FHIP2A: variants seen among roughly 807,000 people sequenced by gnomAD.
FHIP2A encodes family with sequence similarity 160 member B1.
In FHIP2A, 46 loss-of-function variants were observed where a neutral mutation model predicts 93.5. That is an observed-to-expected ratio of 0.49 (90% confidence interval 0.39 to 0.63). The LOEUF is 0.63. Ranked by LOEUF, FHIP2A falls within the 20% of genes least tolerant of loss-of-function variation. The pLI is 0.00. For synonymous variants in FHIP2A, 332 were observed against 326.5 expected (o/e 1.02, Z -0.18); for missense variants, 769 against 909.7 (o/e 0.85, Z 1.99).
chr10:114,836,417 A>G (rs1007246850), intron 5 of FHIP2A, among the ~76,000 whole-genome samples, 171 bp downstream of exon 5: 3 of 152,236 alleles, frequency 2.0e-5, no homozygotes, highest in Non-Finnish European at 4.4e-5. Context: ...CTGGGAGAAA[A>G]GAATTTCAAA....
Position 114,863,149 on chromosome 10 carries a change from T to A in FHIP2A, c.*1609T>A. 1 of 979,068 alleles carries A rather than the reference T, an allele frequency of 1.0e-6. No individual in the cohort carries two copies. Among genetic ancestry groups the A allele is most frequent in the Non-Finnish European group, 1.2e-6 (1 of 824,094 alleles). 60.6% of individuals were successfully genotyped at this position (979,068 alleles called of 1,614,324 possible). A position where few individuals can be genotyped will look rare whatever the true frequency, so the allele number is the denominator to read the frequency against. The stretch of plus-strand genomic sequence containing the variant: ...TCTTTGTTAGCTTATTCTAAGAAAT[T>A]TATTAAGTAAAACAAAGAAAAAACA... On this transcript the variant is annotated 3_prime_UTR_variant, in exon 17 of 17. Coordinates refer to ENST00000369248, the MANE Select transcript of FHIP2A (RefSeq NM_020940.4).
At chr10:114,845,023 G>A (rs935182527) in intron 7 of FHIP2A, among the ~76,000 whole-genome samples, 3 of 148,184 alleles carry the variant, frequency 2.0e-5, no homozygotes, top group Admixed American at 6.8e-5. Flanking sequence ...GGCTGGTCTC[G>A]AACTCCTGAC....
At chr10:114,847,348 G>GCAGAGATCGTGC in intron 12 of FHIP2A, 115 bp downstream of exon 12, 1 of 894,488 alleles carries the variant, frequency 1.1e-6, no homozygotes, top group Non-Finnish European at 1.6e-6. Context: ...GAGTGCAGTG[G>GCAGAGATCGTGC]CACGATCTCT....
intron 5 of FHIP2A, among the ~76,000 whole-genome samples, chr10:114,838,427 T>C (rs1345176452): frequency 1.3e-5 from 2 of 152,208 alleles, no homozygotes; most frequent in Non-Finnish European, 1.5e-5. Flanking sequence ...TGTATCATCT[T>C]TTGCAAATTT....
intron 16 of FHIP2A, among the ~76,000 whole-genome samples, chr10:114,877,876 T>C (rs1209862017): frequency 8.8e-6 from 1 of 113,156 alleles, no homozygotes; most frequent in African/African-American, 3.3e-5. Flanking sequence ...CGTGTGTGAA[T>C]TATTTTTATC....
chr10:114,868,704 G>T (rs2083843033), downstream of FHIP2A, among the ~76,000 whole-genome samples: 1 of 152,096 alleles, frequency 6.6e-6, no homozygotes, highest in Non-Finnish European at 1.5e-5. Context: ...TTATATCAGA[G>T]GGGAGAGTAA....
chr10:114,847,085 C>T lies in FHIP2A; in HGVS notation c.1569-5C>T, dbSNP rs916193358. On this transcript the variant is annotated splice_polypyrimidine_tract_variant and splice_region_variant and intron_variant, in intron 11 of 16. Transcript: ENST00000369248. ...GCTTTTTATGTGTCATTAAATTTAACTTAGAGATCTGGAAGAAGATCCATT... is the reference window on the plus strand; with the variant it reads ...GCTTTTTATGTGTCATTAAATTTAATTTAGAGATCTGGAAGAAGATCCATT... 4 of 1,597,838 alleles carry T rather than the reference C, an allele frequency of 2.5e-6. No homozygotes were observed. The highest frequency in any genetic ancestry group is 2.7e-5 in the African/African-American group (2 of 74,040).
downstream of FHIP2A, among the ~76,000 whole-genome samples, chr10:114,867,382 G>A (rs1408172938): frequency 6.6e-6 from 1 of 152,116 alleles, no homozygotes; most frequent in Non-Finnish European, 1.5e-5. Flanking sequence ...CTGATGAATA[G>A]CAATTAGCTT....
intron 16 of FHIP2A, among the ~76,000 whole-genome samples, chr10:114,881,130 C>G (rs984665719): frequency 2.6e-5 from 4 of 152,182 alleles, no homozygotes; most frequent in Non-Finnish European, 5.9e-5. Flanking sequence ...TGTAAACATG[C>G]CTGCAAGTTC....
intron 13 of FHIP2A, among the ~76,000 whole-genome samples, chr10:114,851,187 TAC>T (rs1446501626): frequency 6.6e-6 from 1 of 152,214 alleles, no homozygotes; most frequent in African/African-American, 2.4e-5. Context: ...GTGCTGGGAT[TAC>T]AGTTATGAGC....
intron 1 of FHIP2A, among the ~76,000 whole-genome samples, chr10:114,827,700 G>A (rs1258387929): frequency 1.3e-5 from 2 of 151,820 alleles, no homozygotes; most frequent in Non-Finnish European, 2.9e-5. Flanking sequence ...GGGAGGCTGA[G>A]GCAGGAGAAT....
chr10:114,833,138 A>C (rs145920297), intron 2 of FHIP2A, 95 bp from the exon 3 acceptor site: 2 of 930,032 alleles, frequency 2.2e-6, no homozygotes, highest in African/African-American at 3.4e-5. Context: ...GATTTTTCTC[A>C]GTTTGAATAG....
At chr10:114,895,615 A>G (rs2083997383) in intron 16 of FHIP2A, among the ~76,000 whole-genome samples, 1 of 152,182 alleles carries the variant, frequency 6.6e-6, no homozygotes, top group Admixed American at 6.5e-5. Context: ...TCCTGTCAAG[A>G]GGGGACCAGT....
chr10:114,848,163 A>C (rs2083713242), intron 12 of FHIP2A, among the ~76,000 whole-genome samples: 1 of 151,942 alleles, frequency 6.6e-6, no homozygotes, highest in Non-Finnish European at 1.5e-5. Flanking sequence ...CTTCCCTTGC[A>C]GTGTTGTCAC....
chr10:114,890,508 A>T (rs1306009879), intron 16 of FHIP2A, among the ~76,000 whole-genome samples: 3 of 146,502 alleles, frequency 2.0e-5, no homozygotes, highest in African/African-American at 7.7e-5. Flanking sequence ...CATATATAGT[A>T]TATAAAATAT....
At position 114,878,177 on chromosome 10, in the gene FHIP2A, A is replaced by G. The variant is rs2083898537; in HGVS notation, c.2192+16843A>G. The stretch of plus-strand genomic sequence containing the variant: ...GTCTTATCCTTTTTACCTTAACATT[A>G]TAAGATGACCATTTTCTTAGGGCTT... On this transcript the variant is annotated intron_variant, in intron 16 of 16. Coordinates refer to the FHIP2A transcript ENST00000369250. Among the ~76,000 whole-genome samples, 4 of 152,180 alleles carry G rather than the reference A, an allele frequency of 2.6e-5. No homozygotes were observed. The South Asian group carries it at 8.3e-4, about 32-fold the overall frequency.
At chr10:114,829,820 A>C (rs751060193) in intron 1 of FHIP2A, among the ~76,000 whole-genome samples, 1 of 152,188 alleles carries the variant, frequency 6.6e-6, no homozygotes, top group South Asian at 2.1e-4. Flanking sequence ...AGTGTATGCA[A>C]ATCTTTTTCT....
At position 114,857,305 on chromosome 10, in the gene FHIP2A, TTTC is replaced by T. The variant is rs961014522; in HGVS notation, c.1947+1974_1947+1976del. On this transcript the variant is annotated intron_variant, in intron 14 of 16. Transcript: ENST00000369248. ...TTTCTTTTTTTTCTTTCTCTCCCTA[TTTC>T]TTCTTCTTTTTTTTTTTTCTGAGAC... 1.8e-4 allele frequency among the ~76,000 whole-genome samples: 26 copies of T among 145,128 alleles called. 1 individual carries two copies. Among genetic ancestry groups the T allele is most frequent in the African/African-American group, 5.5e-4 (22 of 40,064 alleles).
In FHIP2A at chr10:114,860,871, C is replaced by A. The variant is rs762027536; in HGVS notation, c.2070C>A (p.Leu690=). 5 of 1,613,492 alleles carry A rather than the reference C, an allele frequency of 3.1e-6. No homozygotes were observed. The highest frequency in any genetic ancestry group is 4.2e-6 in the Non-Finnish European group (5 of 1,179,652). Reference sequence around the variant, plus strand: ...ACCTCGCTCCTGGCTGTAGATCTCTCTTCTCTGTAATTGTCAGGGTGAGTT... The same window carrying A: ...ACCTCGCTCCTGGCTGTAGATCTCTATTCTCTGTAATTGTCAGGGTGAGTT... ...YVNLAPGCRS[L]FSVIVRVVGD... is the part of the protein sequence containing the mutation. Residue 690 remains leucine, a synonymous_variant, in exon 15 of 17, where the codon CTC becomes CTA. Transcript: ENST00000369248.
Sources: gnomAD v4.1 joint callset for allele counts (sites outside exome capture counted in the v4.1 genomes callset) on GRCh38, gnomAD v4.1.1 for gene constraint, MANE v1.5 for transcripts, NCBI Gene and HGNC (gene_info 2026-07-23, HGNC 2026-07-21) for gene names.